Variants in ARHGAP20 observed in about 807,000 individuals in gnomAD.
ARHGAP20 encodes the protein rho GTPase-activating protein 20.
In ARHGAP20, 34 loss-of-function variants were observed where a neutral mutation model predicts 73.7. The ratio of observed to expected loss-of-function variants is 0.46; its 90% CI spans 0.35 to 0.61. The LOEUF (loss-of-function observed/expected upper bound fraction) is 0.61, where lower values mean the gene tolerates loss of function less well. Among genes scored for constraint, ARHGAP20 ranks in the 20% least tolerant of loss-of-function variants. The pLI is 0.00. For synonymous variants in ARHGAP20, 523 were observed against 518.2 expected (o/e 1.01, Z -0.13); for missense variants, 1,314 against 1,420.9 (o/e 0.92, Z 1.21).
Position 110,577,389 on chromosome 11 carries a change from G to T in ARHGAP20, c.*1981C>A, listed in dbSNP as rs1440672362. The T allele has an allele frequency of 8.6e-7, 1 of 1,161,818 alleles. No homozygotes were observed. The highest frequency in any genetic ancestry group is 1.1e-6 in the Non-Finnish European group (1 of 944,292). 72.0% of individuals were successfully genotyped at this position (1,161,818 alleles called of 1,614,324 possible). A position where few individuals can be genotyped will look rare whatever the true frequency, so the allele number is the denominator to read the frequency against. On this transcript the variant is annotated 3_prime_UTR_variant, in exon 15 of 15. Coordinates refer to ENST00000683387, the MANE Select transcript of ARHGAP20 (RefSeq NM_001384657.1). ...AGGAGTATCTAAGGGAACACAGATA[G>T]TAGGAATGGTTATTAAAAAACCTCA...
intron 2 of ARHGAP20, among the ~76,000 whole-genome samples, chr11:110,684,123 T>C (rs1226421613): frequency 6.6e-6 from 1 of 152,118 alleles, no homozygotes; most frequent in African/African-American, 2.4e-5. Context: ...TATAAAAAGA[T>C]ATATAGTGTG....
chr11:110,704,309 C>T (rs907251145), intron 1 of ARHGAP20, among the ~76,000 whole-genome samples: 3 of 152,142 alleles, frequency 2.0e-5, no homozygotes, highest in Non-Finnish European at 4.4e-5. Flanking sequence ...CTGCGTTTTC[C>T]AGATCTTTGA....
intron 9 of ARHGAP20, among the ~76,000 whole-genome samples, chr11:110,600,635 C>A (rs1040048553): frequency 5.3e-5 from 8 of 152,258 alleles, no homozygotes; most frequent in Non-Finnish European, 1.0e-4. Context: ...TGGGCAAATA[C>A]ATCACTGTCC....
chr11:110,611,410 T>C (rs1442406220), intron 6 of ARHGAP20, 24 bp from the exon 7 acceptor site: 2 of 1,224,526 alleles, frequency 1.6e-6, no homozygotes, highest in Middle Eastern at 2.5e-4. Context: ...ATAAGAAATA[T>C]AGCTATAAAA....
intron 1 of ARHGAP20, among the ~76,000 whole-genome samples, chr11:110,709,486 ATGC>A: frequency 6.6e-6 from 1 of 152,352 alleles, no homozygotes; most frequent in Middle Eastern, 3.4e-3. Context: ...GCCAGGATGA[ATGC>A]TAAGATGACA....
intron 14 of ARHGAP20, among the ~76,000 whole-genome samples, chr11:110,581,930 CAAA>C (rs35432649): frequency 1.1e-4 from 10 of 89,246 alleles, no homozygotes; most frequent in South Asian, 7.3e-4. Context: ...AAGGAGAGGA[CAAA>C]AAAAAAAAAA....
chr11:110,619,601 T>G (rs1253577248), intron 4 of ARHGAP20, among the ~76,000 whole-genome samples: 1 of 151,696 alleles, frequency 6.6e-6, no homozygotes, highest in African/African-American at 2.4e-5. Context: ...TGATAGAGTG[T>G]ATGCAGTGAT....
chr11:110,707,404 T>C (rs1439259648), intron 1 of ARHGAP20, among the ~76,000 whole-genome samples: 2 of 152,154 alleles, frequency 1.3e-5, no homozygotes, highest in African/African-American at 4.8e-5. Flanking sequence ...TATATGCTAT[T>C]ACATTTTAGA....
At chr11:110,687,059 C>G (rs28706114) in intron 2 of ARHGAP20, among the ~76,000 whole-genome samples, 26 of 77,322 alleles carry the variant, frequency 3.4e-4, no homozygotes, top group Middle Eastern at 0.014. Flanking sequence ...TATATATAGA[C>G]ACACACACAC....
intron 9 of ARHGAP20, 95 bp from the exon 10 acceptor site, chr11:110,592,250 C>A: frequency 1.7e-6 from 2 of 1,206,518 alleles, no homozygotes; most frequent in Non-Finnish European, 2.3e-6. Flanking sequence ...TGCTATGGCT[C>A]AAAGAGAAAA....
chr11:110,651,051 C>A (rs1300613375), intron 2 of ARHGAP20, among the ~76,000 whole-genome samples: 2 of 152,096 alleles, frequency 1.3e-5, no homozygotes, highest in Admixed American at 6.6e-5. Context: ...CAGACCACAG[C>A]ACAATCAAAT....
At chr11:110,711,889 T>C in intron 1 of ARHGAP20, 1 of 1,305,342 alleles carries the variant, frequency 7.7e-7, no homozygotes, top group Non-Finnish European at 9.7e-7. Context: ...GCGAGGTCGC[T>C]CGAGGAGAGA....
rs182502810 is a variant in ARHGAP20, at chr11:110,648,210, A to T, written c.189-17418T>A. Reference sequence around the variant, plus strand: ...ATATGTAAATATATATATATATGTAAATATATATATGTATATATATATATA... The same window carrying T: ...ATATGTAAATATATATATATATGTATATATATATATGTATATATATATATA... On this transcript the variant is annotated intron_variant, in intron 2 of 14. Coordinates refer to ENST00000683387, the MANE Select transcript of ARHGAP20 (RefSeq NM_001384657.1). 7.9e-5 allele frequency among the ~76,000 whole-genome samples: 9 copies of T among 113,328 alleles called. No homozygotes were observed. The East Asian group carries it at 9.3e-4, about 12-fold the overall frequency. 74.3% of individuals were successfully genotyped at this position (113,328 alleles called of 152,430 possible).
intron 2 of ARHGAP20, among the ~76,000 whole-genome samples, chr11:110,672,368 AC>A (rs1388474570): frequency 6.6e-6 from 1 of 152,212 alleles, no homozygotes; most frequent in Non-Finnish European, 1.5e-5. Flanking sequence ...AGAAAAACAT[AC>A]AAATGGGCAG....
At chr11:110,622,009 G>T (rs1948639641) in intron 4 of ARHGAP20, among the ~76,000 whole-genome samples, 1 of 152,184 alleles carries the variant, frequency 6.6e-6, no homozygotes, top group African/African-American at 2.4e-5. Context: ...ATGCATGTGG[G>T]GTTTGGTGAT....
chr11:110,648,193 A>ATATATATATG (rs1491550441), intron 2 of ARHGAP20, among the ~76,000 whole-genome samples: 18 of 85,666 alleles, frequency 2.1e-4, no homozygotes, highest in South Asian at 4.1e-4. Flanking sequence ...ATATATGTAA[A>ATATATATATG]TATATATATA....
rs1947363657 is a variant in ARHGAP20 at position 110,579,116 on chromosome 11, T to TA, written c.*253dup. On this transcript the variant is annotated 3_prime_UTR_variant, in exon 15 of 15. Transcript: ENST00000683387. ...TTCTCTAGCCCTCTGTTAGTATCTCTAAAACCACATGACAGGACCAATCCC... is the reference window on the plus strand; with the variant it reads ...TTCTCTAGCCCTCTGTTAGTATCTCTAAAAACCACATGACAGGACCAATCCC... The TA allele has an allele frequency of 6.3e-6, 7 of 1,114,354 alleles. No individual in the cohort carries two copies. Among genetic ancestry groups the TA allele is most frequent in the Non-Finnish European group, 7.7e-6 (7 of 908,530 alleles). 69.0% of individuals were successfully genotyped at this position (1,114,354 alleles called of 1,614,324 possible).
chr11:110,687,338 A>G (rs1008457309), intron 2 of ARHGAP20, among the ~76,000 whole-genome samples: 2 of 152,078 alleles, frequency 1.3e-5, no homozygotes, highest in African/African-American at 4.8e-5. Flanking sequence ...ATGTGCCACT[A>G]TGTCCAGCCA....
intron 4 of ARHGAP20, among the ~76,000 whole-genome samples, chr11:110,621,741 A>C (rs1948634176): frequency 6.6e-6 from 1 of 152,198 alleles, no homozygotes; most frequent in Non-Finnish European, 1.5e-5. Flanking sequence ...CATATGAATC[A>C]TCTCAAGATT....
Sources: allele counts gnomAD v4.1 joint callset (sites outside exome capture counted in the v4.1 genomes callset), GRCh38; gene constraint gnomAD v4.1.1; transcripts MANE v1.5; gene names NCBI Gene and HGNC (gene_info 2026-07-23, HGNC 2026-07-21).